ZNF608: variants seen among roughly 807,000 people sequenced by gnomAD.
ZNF608 encodes the protein renal carcinoma antigen NY-REN-36.
Under a neutral mutation model 109.0 loss-of-function variants are expected in ZNF608, and 12 were observed. The ratio of observed to expected loss-of-function variants is 0.11; its 90% confidence interval spans 0.07 to 0.18. ZNF608 has a LOEUF of 0.18. Ranked by LOEUF, ZNF608 falls within the 10% of genes least tolerant of loss-of-function variation. The pLI is 1.00. For synonymous variants in ZNF608, 732 were observed against 717.4 expected (o/e 1.02, Z -0.33); for missense variants, 1,707 against 1,879.3 (o/e 0.91, Z 1.70).
At chr5:124,653,849 G>A (rs755365660) in intron 3 of ZNF608, among the ~76,000 whole-genome samples, 36 of 152,206 alleles carry the variant, frequency 2.4e-4, no homozygotes, top group Non-Finnish European at 4.1e-4. Context: ...ATGGGCCAAA[G>A]TTCCAAGGGC....
chr5:124,735,980 T>C (rs564832177), intron 2 of ZNF608, among the ~76,000 whole-genome samples: 1 of 152,346 alleles, frequency 6.6e-6, no homozygotes, highest in Non-Finnish European at 1.5e-5. Flanking sequence ...TGAGCTCATC[T>C]TCCACACAAC....
At chr5:124,706,930 G>C (rs1307990856) in intron 2 of ZNF608, among the ~76,000 whole-genome samples, 4 of 152,194 alleles carry the variant, frequency 2.6e-5, no homozygotes, top group Non-Finnish European at 4.4e-5. Flanking sequence ...GGAGCAGGGA[G>C]GCTGAAGGGA....
At chr5:124,651,850 C>T (rs1750797542) in intron 3 of ZNF608, among the ~76,000 whole-genome samples, 1 of 152,224 alleles carries the variant, frequency 6.6e-6, no homozygotes, top group South Asian at 2.1e-4. Flanking sequence ...GGGACGCATC[C>T]CCCACGGCGC....
At chr5:124,699,447 G>C (rs940375075) in intron 3 of ZNF608, among the ~76,000 whole-genome samples, 1 of 152,104 alleles carries the variant, frequency 6.6e-6, no homozygotes, top group Non-Finnish European at 1.5e-5. Context: ...CAAATTAAAA[G>C]TACAAAATGA....
intron 2 of ZNF608, among the ~76,000 whole-genome samples, chr5:124,737,935 G>C (rs1306481616): frequency 1.3e-5 from 2 of 152,318 alleles, no homozygotes; most frequent in East Asian, 3.9e-4. Context: ...AGTCACTAGT[G>C]AAACTGCAGT....
chr5:124,670,999 T>C (rs1294882655), intron 3 of ZNF608, among the ~76,000 whole-genome samples: 1 of 152,252 alleles, frequency 6.6e-6, no homozygotes, highest in African/African-American at 2.4e-5. Flanking sequence ...GTATTCTACC[T>C]GCTATTAAGC....
intron 3 of ZNF608, among the ~76,000 whole-genome samples, chr5:124,678,112 AG>A (rs1455465257): frequency 1.3e-5 from 2 of 152,194 alleles, no homozygotes; most frequent in Non-Finnish European, 2.9e-5. Context: ...CCCGTAAGTC[AG>A]CCCCTTCAGC....
chr5:124,713,781 G>A (rs565394628), intron 2 of ZNF608, among the ~76,000 whole-genome samples: 42 of 152,314 alleles, frequency 2.8e-4, no homozygotes, highest in South Asian at 6.2e-4. Flanking sequence ...TGGAGAGGGG[G>A]AGGGGAAGTT....
At chr5:124,675,818 C>T (rs1290194511) in intron 3 of ZNF608, among the ~76,000 whole-genome samples, 2 of 152,176 alleles carry the variant, frequency 1.3e-5, no homozygotes, top group African/African-American at 4.8e-5. Flanking sequence ...AGACTCCATG[C>T]CCACATGGGG....
chr5:124,657,513 A>T (rs544801718), intron 3 of ZNF608, among the ~76,000 whole-genome samples: 45 of 152,088 alleles, frequency 3.0e-4, no homozygotes, highest in African/African-American at 6.5e-4. Context: ...ATAAAAAAAT[A>T]AAAAAATAAA....
intron 3 of ZNF608, among the ~76,000 whole-genome samples, chr5:124,651,999 C>G (rs1186617770): frequency 6.6e-6 from 1 of 152,254 alleles, no homozygotes; most frequent in Non-Finnish European, 1.5e-5. Context: ...CTCCCCGCGC[C>G]ACGCGGCTCC....
At chr5:124,726,805 T>C (rs1748628613) in intron 2 of ZNF608, among the ~76,000 whole-genome samples, 1 of 152,116 alleles carries the variant, frequency 6.6e-6, no homozygotes, top group South Asian at 2.1e-4. Context: ...CCGAGTCCAA[T>C]CTGGACATGG....
intron 4 of ZNF608, 27 bp downstream of exon 4, chr5:124,649,583 G>GA (rs1364401344): frequency 6.4e-7 from 1 of 1,562,742 alleles, no homozygotes; most frequent in East Asian, 2.3e-5. Flanking sequence ...GATGGGGAAG[G>GA]AGAGAAATAA....
intron 3 of ZNF608, among the ~76,000 whole-genome samples, chr5:124,683,747 T>G (rs1366708828): frequency 6.6e-6 from 1 of 152,206 alleles, no homozygotes; most frequent in Non-Finnish European, 1.5e-5. Flanking sequence ...ATGTGTTAAC[T>G]CTCGTGCATC....
chr5:124,722,600 C>T (rs975988004), intron 2 of ZNF608, among the ~76,000 whole-genome samples: 4 of 151,686 alleles, frequency 2.6e-5, no homozygotes, highest in African/African-American at 9.7e-5. Flanking sequence ...CACACACACA[C>T]ACACACACAC....
chr5:124,699,531 A>C (rs1228669713), intron 3 of ZNF608, among the ~76,000 whole-genome samples: 1 of 152,228 alleles, frequency 6.6e-6, no homozygotes, highest in Non-Finnish European at 1.5e-5. Context: ...TGAGCAAACA[A>C]AAGCTGACCA....
chr5:124,734,069 C>G (rs548630304), intron 2 of ZNF608, among the ~76,000 whole-genome samples: 2 of 152,232 alleles, frequency 1.3e-5, no homozygotes, highest in South Asian at 4.1e-4. Flanking sequence ...TACTCAGAAA[C>G]TAATACACAG....
Position 124,637,787 on chromosome 5 carries a change from A to C in ZNF608, c.*113T>G. ...ATCTGTAATTTACAAAAATGAAATG[A>C]CTGGTTTTTGCCTGCCATTAAGGCA... On this transcript the variant is annotated 3_prime_UTR_variant, in exon 10 of 10. Transcript: ENST00000513986. 9.5e-7 allele frequency: 1 copy of C among 1,054,538 alleles called. No individual in the cohort carries two copies. Among genetic ancestry groups the C allele is most frequent in the Non-Finnish European group, 1.4e-6 (1 of 719,360 alleles). The allele number at this position is 1,054,538 out of a possible 1,614,324, so 65.3% of individuals were successfully genotyped here.
At chr5:124,677,551 G>A (rs1483082105) in intron 3 of ZNF608, among the ~76,000 whole-genome samples, 2 of 152,156 alleles carry the variant, frequency 1.3e-5, no homozygotes, top group East Asian at 3.8e-4. Context: ...TTCCAAAAAA[G>A]GGAAAAATAC....
Sources: allele counts gnomAD v4.1 joint callset (sites outside exome capture counted in the v4.1 genomes callset), GRCh38; gene constraint gnomAD v4.1.1; transcripts MANE v1.5; gene names NCBI Gene and HGNC (gene_info 2026-07-23, HGNC 2026-07-21).